Variants in ARHGAP24 observed in about 807,000 individuals in gnomAD.
ARHGAP24 encodes Rho GTPase activating protein 24.
ARHGAP24 carries 50 observed loss-of-function variants against 76.4 expected under a neutral mutation model. The observed-to-expected ratio is 0.65, with a 90% CI of 0.52 to 0.83. The LOEUF (loss-of-function observed/expected upper bound fraction) is 0.83. ARHGAP24 is among the 40% of genes least tolerant of loss of function. The pLI is 0.00. For synonymous variants in ARHGAP24, 345 were observed against 323.3 expected, an observed-to-expected ratio of 1.07 and a Z score of -0.72; for missense variants, 930 against 914.2, an observed-to-expected ratio of 1.02 and a Z score of -0.22.
At chr4:85,842,752 C>CT (rs1288035369) in intron 3 of ARHGAP24, among the ~76,000 whole-genome samples, 12 of 152,158 alleles carry the variant, frequency 7.9e-5, no homozygotes, top group African/African-American at 2.4e-4. Flanking sequence ...CTTTTTTCTG[C>CT]TTAATGTGGT....
intron 2 of ARHGAP24, among the ~76,000 whole-genome samples, chr4:85,718,389 A>G (rs4343717): frequency 0.98 from 149,652 of 152,162 alleles, 73,643 homozygotes; most frequent in Middle Eastern, 1. Flanking sequence ...GTTTATACAC[A>G]CATGTATAAA....
rs190721156 is a variant in ARHGAP24, at chr4:85,661,678, C to T, written c.181-60207C>T. 3.0e-3 allele frequency among the ~76,000 whole-genome samples: 463 copies of T among 152,096 alleles called. 5 individuals carry two copies. The highest frequency in any genetic ancestry group is 4.9e-3 in the Non-Finnish European group (336 of 67,998). Reference sequence around the variant, plus strand: ...GCTATCCCTCCCCCCTTCCCCCACCCCACAACAGTCCCCAGAGTGTGATGT... The same window carrying T: ...GCTATCCCTCCCCCCTTCCCCCACCTCACAACAGTCCCCAGAGTGTGATGT... On this transcript the variant is annotated intron_variant, in intron 2 of 9. Transcript: ENST00000395184.
chr4:86,000,854 G>A lies in ARHGAP24; in HGVS notation c.*132G>A. 2.3e-5 allele frequency: 31 copies of A among 1,343,770 alleles called. No individual in the cohort carries two copies. The highest frequency in any genetic ancestry group is 3.1e-5 in the Non-Finnish European group (30 of 969,924). The allele number at this position is 1,343,770 out of a possible 1,614,324, so 83.2% of individuals were successfully genotyped here. Reference sequence around the variant, plus strand: ...AACTGGTGAAGGAATATCATTTACAGACATTAAACATCCATATCTGCAATG... The same window carrying A: ...AACTGGTGAAGGAATATCATTTACAAACATTAAACATCCATATCTGCAATG... On this transcript the variant is annotated 3_prime_UTR_variant, in exon 10 of 10. Coordinates refer to ENST00000395184, the MANE Select transcript of ARHGAP24 (RefSeq NM_001025616.3).
At chr4:85,566,926 A>G (rs1726873548) in intron 1 of ARHGAP24, among the ~76,000 whole-genome samples, 1 of 152,228 alleles carries the variant, frequency 6.6e-6, no homozygotes, top group Non-Finnish European at 1.5e-5. Context: ...AGCCCAAGAC[A>G]GAGTTTTCTA....
intron 1 of ARHGAP24, among the ~76,000 whole-genome samples, chr4:85,562,287 A>C (rs1430858080): frequency 6.6e-6 from 1 of 152,210 alleles, no homozygotes; most frequent in Non-Finnish European, 1.5e-5. Context: ...GATAGTAATC[A>C]AGGAAAGCGA....
chr4:85,773,957 A>G (rs1188035177), intron 3 of ARHGAP24, among the ~76,000 whole-genome samples: 1 of 152,202 alleles, frequency 6.6e-6, no homozygotes, highest in Non-Finnish European at 1.5e-5. Flanking sequence ...ATAGGAAAAG[A>G]GCACTTTTTG....
chr4:85,828,874 C>T (rs2110132756), intron 3 of ARHGAP24, among the ~76,000 whole-genome samples: 1 of 152,036 alleles, frequency 6.6e-6, no homozygotes, highest in South Asian at 2.1e-4. Context: ...GTTTGTATTT[C>T]TGAGACTCGT....
At chr4:85,812,156 A>G (rs1178819418) in intron 3 of ARHGAP24, among the ~76,000 whole-genome samples, 1 of 152,198 alleles carries the variant, frequency 6.6e-6, no homozygotes, top group Non-Finnish European at 1.5e-5. Context: ...AGCCTGGGTG[A>G]CAGAGTGAGA....
intron 2 of ARHGAP24, among the ~76,000 whole-genome samples, chr4:85,591,628 G>A (rs1728114175): frequency 6.6e-6 from 1 of 152,162 alleles, no homozygotes; most frequent in African/African-American, 2.4e-5. Flanking sequence ...AAATTCACAA[G>A]TCATTAGTTA....
At chr4:85,778,141 T>C (rs1318977420) in intron 3 of ARHGAP24, among the ~76,000 whole-genome samples, 1 of 152,200 alleles carries the variant, frequency 6.6e-6, no homozygotes, top group Admixed American at 6.5e-5. Context: ...CTGTAAGGAC[T>C]AATAAATGTT....
chr4:85,508,625 G>A (rs186089382), intron 1 of ARHGAP24, among the ~76,000 whole-genome samples: 144 of 152,120 alleles, frequency 9.5e-4, no homozygotes, highest in South Asian at 4.4e-3. Context: ...TTTCATTCCC[G>A]TGCTATGAGC....
At chr4:85,686,575 T>C (rs1414755754) in intron 2 of ARHGAP24, 1 of 152,190 alleles carries the variant, frequency 6.6e-6, no homozygotes, top group Non-Finnish European at 1.5e-5. Context: ...TGTTCCAAAA[T>C]GCTTGCAATA....
chr4:85,937,305 T>C (rs1186916069), intron 4 of ARHGAP24, among the ~76,000 whole-genome samples: 1 of 152,174 alleles, frequency 6.6e-6, no homozygotes, highest in Admixed American at 6.5e-5. Context: ...GGGGATAGCT[T>C]GTACTGATAA....
At chr4:85,508,488 T>G (rs1465128169) in intron 1 of ARHGAP24, among the ~76,000 whole-genome samples, 1 of 152,170 alleles carries the variant, frequency 6.6e-6, no homozygotes, top group Non-Finnish European at 1.5e-5. Flanking sequence ...GCCTAAGCAT[T>G]TGACCTAAGG....
Position 85,972,483 on chromosome 4 carries a change from C to T in ARHGAP24, c.732+315C>T, listed in dbSNP as rs1200902109. 8 of 352,754 alleles carry T rather than the reference C, an allele frequency of 2.3e-5. No homozygotes were observed. In the East Asian group the frequency reaches 5.1e-4, roughly 23 times the overall value. The allele number at this position is 352,754 out of a possible 1,614,324, so 21.9% of individuals were successfully genotyped here. A position where few individuals can be genotyped will look rare whatever the true frequency, so the allele number is the denominator to read the frequency against. Reference sequence around the variant, plus strand: ...AGAAGTGACTGCTGTGTCTCATAATCTTTTAATCGTGTGGACCCAAACCAC... The same window carrying T: ...AGAAGTGACTGCTGTGTCTCATAATTTTTTAATCGTGTGGACCCAAACCAC... On this transcript the variant is annotated intron_variant, in intron 6 of 9. Transcript: ENST00000395184.
At chr4:85,537,697 A>G (rs1004492165) in intron 1 of ARHGAP24, among the ~76,000 whole-genome samples, 1 of 152,222 alleles carries the variant, frequency 6.6e-6, no homozygotes, top group Non-Finnish European at 1.5e-5. Flanking sequence ...TTTGCTACAA[A>G]CGGCAATGCT....
chr4:85,937,487 G>C (rs1039546918), intron 4 of ARHGAP24, among the ~76,000 whole-genome samples: 1 of 152,166 alleles, frequency 6.6e-6, no homozygotes, highest in African/African-American at 2.4e-5. Context: ...ATACAAACCT[G>C]AGAATAATTA....
At chr4:85,572,928 G>T (rs1366135108) in intron 2 of ARHGAP24, among the ~76,000 whole-genome samples, 1 of 143,668 alleles carries the variant, frequency 7.0e-6, no homozygotes, top group Non-Finnish European at 1.5e-5. Flanking sequence ...CCAGGCTGGA[G>T]TGCGGTGGTG....
At chr4:85,930,157 G>A (rs1736245432) in intron 4 of ARHGAP24, 1 of 788,310 alleles carries the variant, frequency 1.3e-6, no homozygotes, top group African/African-American at 1.9e-5. Flanking sequence ...ATTGAGAAAA[G>A]GGGAGACGGA....
Sources: gnomAD v4.1 joint callset for allele counts (sites outside exome capture counted in the v4.1 genomes callset) on GRCh38, gnomAD v4.1.1 for gene constraint, MANE v1.5 for transcripts, NCBI Gene and HGNC (gene_info 2026-07-23, HGNC 2026-07-21) for gene names.